The following CAST variants were observed in gnomAD, a reference collection of about 807,000 sequenced individuals.
CAST encodes MIR583 host.
Under a neutral mutation model 119.6 loss-of-function variants are expected in CAST, and 76 were observed. The observed-to-expected ratio is 0.64, with a 90% CI of 0.53 to 0.77. CAST has a LOEUF of 0.77. CAST is among the 30% of genes least tolerant of loss of function. The probability of loss-of-function intolerance (pLI) is 0.00; values close to 1 mark genes in which losing one functional copy is unlikely to be tolerated. For synonymous variants in CAST, 319 were observed against 331.6 expected (o/e 0.96, Z 0.41); for missense variants, 953 against 946.5 (o/e 1.01, Z -0.09).
At chr5:96,231,559 T>C in the CAST span, among the ~76,000 whole-genome samples, 1 of 152,112 alleles carries the variant, frequency 6.6e-6, no homozygotes, top group South Asian at 2.1e-4. Context: ...TAAAATTAGA[T>C]TTGAGTGATG....
chr5:96,473,469 C>T, the CAST span, among the ~76,000 whole-genome samples: 2 of 152,216 alleles, frequency 1.3e-5, no homozygotes, highest in African/African-American at 4.8e-5. Context: ...TGCAACTGTT[C>T]CAGGAAGTCA....
chr5:96,526,698 C>G (rs1046265534), upstream of CAST, among the ~76,000 whole-genome samples: 3 of 152,190 alleles, frequency 2.0e-5, no homozygotes, highest in Admixed American at 6.5e-5. Flanking sequence ...CTCAGAAAGG[C>G]TCTTGGGAGG....
Position 96,773,441 on chromosome 5 carries a change from CTG to C in CAST, c.*829_*830del, listed in dbSNP as rs1163628296. On this transcript the variant is annotated 3_prime_UTR_variant, in exon 32 of 32. Coordinates refer to ENST00000675179, the MANE Select transcript of CAST (RefSeq NM_001750.7). ...ATCTGACTTGAACTCTGTTGGTTTA[CTG>C]TGTTAGTAAACTGTGCTTTCTATTA... The C allele has an allele frequency of 2.6e-5, 4 of 152,356 alleles. No homozygotes were observed. Among genetic ancestry groups the C allele is most frequent in the African/African-American group, 9.7e-5 (4 of 41,442 alleles). 9.4% of individuals were successfully genotyped at this position (152,356 alleles called of 1,614,324 possible).
chr5:96,103,772 C>A, the CAST span, among the ~76,000 whole-genome samples: 5 of 152,010 alleles, frequency 3.3e-5, 1 homozygote, highest in Non-Finnish European at 7.4e-5. Context: ...TGAGGAATCA[C>A]CACACTGACT....
the CAST span, among the ~76,000 whole-genome samples, chr5:96,340,492 T>C: frequency 6.6e-6 from 1 of 152,320 alleles, no homozygotes; most frequent in South Asian, 2.1e-4. Flanking sequence ...TTTGGAACTG[T>C]GGGTTTTTAG....
the CAST span, chr5:95,980,601 G>A: frequency 6.6e-6 from 1 of 152,144 alleles, no homozygotes; most frequent in African/African-American, 2.4e-5. Context: ...AACCTATCAT[G>A]GTGTTTTTAT....
intron 1 of CAST, among the ~76,000 whole-genome samples, chr5:96,604,151 G>A (rs1057195559): frequency 1.3e-5 from 2 of 152,156 alleles, no homozygotes; most frequent in Non-Finnish European, 1.5e-5. Context: ...CAATATCATG[G>A]CTACGATATG....
the CAST span, among the ~76,000 whole-genome samples, chr5:96,048,897 T>C: frequency 6.6e-6 from 1 of 152,118 alleles, no homozygotes; most frequent in Non-Finnish European, 1.5e-5. Flanking sequence ...TGGAGAAGAA[T>C]ATACACCACA....
chr5:96,390,479 T>A, the CAST span: 1 of 152,412 alleles, frequency 6.6e-6, no homozygotes, highest in Non-Finnish European at 1.5e-5. Context: ...ACCACACATG[T>A]TAAACTCAGC....
At chr5:96,642,874 C>T (rs1173745053) in intron 1 of CAST, among the ~76,000 whole-genome samples, 1 of 152,112 alleles carries the variant, frequency 6.6e-6, no homozygotes, top group Non-Finnish European at 1.5e-5. Context: ...TTAATATGTA[C>T]TACAGACTGT....
chr5:96,689,527 G>T (rs949160180), intron 2 of CAST, among the ~76,000 whole-genome samples: 4 of 152,176 alleles, frequency 2.6e-5, no homozygotes, highest in Non-Finnish European at 5.9e-5. Context: ...GAGATCATTT[G>T]ATGAAAATAG....
At chr5:96,567,845 G>A (rs1257787600) in intron 1 of CAST, among the ~76,000 whole-genome samples, 1 of 152,152 alleles carries the variant, frequency 6.6e-6, no homozygotes, top group Non-Finnish European at 1.5e-5. Context: ...GGATGACAGG[G>A]ACAAGGTAGT....
At chr5:96,072,527 C>G in the CAST span, among the ~76,000 whole-genome samples, 13 of 152,150 alleles carry the variant, frequency 8.5e-5, no homozygotes, top group Admixed American at 8.5e-4. Context: ...CCATGAAACC[C>G]ATTTGTCTCT....
chr5:96,558,719 G>A (rs1303862811), intron 1 of CAST, among the ~76,000 whole-genome samples: 1 of 152,146 alleles, frequency 6.6e-6, no homozygotes, highest in Non-Finnish European at 1.5e-5. Context: ...ATAATTAATA[G>A]CTTACCAACC....
At chr5:96,408,383 C>G in the CAST span, 7 of 1,218,048 alleles carry the variant, frequency 5.7e-6, no homozygotes, top group Admixed American at 1.2e-4. Flanking sequence ...GTGGGCCTGT[C>G]TTGGGGGTTA....
chr5:96,091,532 G>T, the CAST span, among the ~76,000 whole-genome samples: 2 of 118,660 alleles, frequency 1.7e-5, no homozygotes, highest in East Asian at 2.5e-4. Context: ...TTGAGATAGG[G>T]TCTTACTCTG....
intron 5 of CAST, 117 bp downstream of exon 5, chr5:96,726,976 A>G (rs1759369748): frequency 1.4e-6 from 1 of 720,614 alleles, no homozygotes; most frequent in African/African-American, 1.8e-5. Flanking sequence ...CCCATCATGG[A>G]CTTTCTGTAG....
the CAST span, among the ~76,000 whole-genome samples, chr5:96,191,620 G>T: frequency 6.6e-6 from 1 of 152,142 alleles, no homozygotes; most frequent in Non-Finnish European, 1.5e-5. Context: ...AGCTGAGATG[G>T]AGTCTCGCTC....
At chr5:96,595,466 C>T (rs970959898) in intron 1 of CAST, among the ~76,000 whole-genome samples, 3 of 152,110 alleles carry the variant, frequency 2.0e-5, no homozygotes, top group East Asian at 1.9e-4. Flanking sequence ...GAAGGGCCAC[C>T]GAAGGGGAAG....
Sources: gnomAD v4.1 joint callset for allele counts (sites outside exome capture counted in the v4.1 genomes callset) on GRCh38, gnomAD v4.1.1 for gene constraint, MANE v1.5 for transcripts, NCBI Gene and HGNC (gene_info 2026-07-23, HGNC 2026-07-21) for gene names.